Variants in CEPT1 observed in about 807,000 individuals in gnomAD.
The protein encoded by CEPT1 is choline/ethanolaminephosphotransferase 1.
In CEPT1, 7 loss-of-function variants were observed where a neutral mutation model predicts 42.6. That is an observed-to-expected ratio of 0.16 (90% confidence interval 0.09 to 0.31). CEPT1 has a LOEUF of 0.31. CEPT1 is among the 10% of genes least tolerant of loss of function. The probability of loss-of-function intolerance (pLI) is 1.00; values close to 1 mark genes in which losing one functional copy is unlikely to be tolerated. For missense variants in CEPT1, 306 were observed against 502.1 expected (o/e 0.61, Z 3.73); for synonymous variants, 171 against 171.9 (o/e 0.99, Z 0.04).
At position 111,184,297 on chromosome 1, in the gene CEPT1, C is replaced by T; in HGVS notation, c.1238C>T (p.Ser413Phe). ...VFRIKVSTAH[S>F]NHH is the part of the protein sequence containing the mutation. ...AGAATCAAGGTCTCTACAGCTCATT[C>T]TAATCATCATTAATGATGTAATTGG... Residue 413 changes from serine (S) to phenylalanine (F), a missense_variant, in exon 9 of 9, where the codon TCT becomes TTT. Transcript: ENST00000357172. The T allele has an allele frequency of 1.2e-6, 2 of 1,611,264 alleles. No individual in the cohort carries two copies. Among genetic ancestry groups the T allele is most frequent in the Non-Finnish European group, 1.7e-6 (2 of 1,178,156 alleles).
Position 111,183,681 on chromosome 1 carries a change from A to G in CEPT1, c.1131+94A>G, listed in dbSNP as rs2275121. 1.7e-3 allele frequency: 2,066 copies of G among 1,238,716 alleles called. 23 individuals carry two copies. The highest frequency in any genetic ancestry group is 0.016 in the South Asian group (1,192 of 72,436). 76.7% of individuals were successfully genotyped at this position (1,238,716 alleles called of 1,614,324 possible). A position where few individuals can be genotyped will look rare whatever the true frequency, so the allele number is the denominator to read the frequency against. On this transcript the variant is annotated intron_variant, in intron 8 of 8. Coordinates refer to ENST00000357172, the MANE Select transcript of CEPT1 (RefSeq NM_006090.5). ...GACCCAGTCATGAAAGATCGTTCAT[A>G]TAATTGTAATGATTTGGAATGTCAG...
At chr1:111,180,790 G>A (rs762208674) in intron 5 of CEPT1, 1 of 152,134 alleles carries the variant, frequency 6.6e-6, no homozygotes, top group African/African-American at 2.4e-5. Flanking sequence ...CTATATAGTA[G>A]GAAGTGCCAC....
At chr1:111,177,334 G>T (rs1656732102) in intron 5 of CEPT1, among the ~76,000 whole-genome samples, 1 of 151,808 alleles carries the variant, frequency 6.6e-6, no homozygotes, top group Non-Finnish European at 1.5e-5. Context: ...ATAAACTTTT[G>T]TGCACCTACG....
intron 3 of CEPT1, chr1:111,160,728 C>T: frequency 6.1e-6 from 1 of 163,402 alleles, no homozygotes; most frequent in Non-Finnish European, 1.3e-5. Flanking sequence ...TGTATGTCAC[C>T]CATAACAATA....
intron 4 of CEPT1, chr1:111,167,507 AT>A (rs973243719): frequency 6.8e-6 from 6 of 876,310 alleles, no homozygotes; most frequent in African/African-American, 1.8e-5. Context: ...AGTAAATAGA[AT>A]TTTTTTTATA....
intron 5 of CEPT1, chr1:111,178,169 T>A (rs920668145): frequency 1.3e-5 from 2 of 152,308 alleles, no homozygotes; most frequent in Non-Finnish European, 1.5e-5. Flanking sequence ...TACTTAGGGT[T>A]CAGGTATGAA....
At chr1:111,180,704 T>C in intron 5 of CEPT1, 1 of 152,212 alleles carries the variant, frequency 6.6e-6, no homozygotes, top group South Asian at 2.1e-4. Context: ...CTCAACAAAG[T>C]GAGTTCTTGA....
At chr1:111,167,247 C>T in intron 4 of CEPT1, 7 of 985,188 alleles carry the variant, frequency 7.1e-6, no homozygotes, top group Non-Finnish European at 8.4e-6. Flanking sequence ...TCAATAAAGA[C>T]AGCACCTTTG....
chr1:111,140,108 C>A (rs1279734914), upstream of CEPT1: 5 of 151,152 alleles, frequency 3.3e-5, no homozygotes, highest in African/African-American at 1.2e-4. Flanking sequence ...GGCTGGGCCA[C>A]GGGGCGCGCT....
At chr1:111,151,746 T>A (rs1655289344) in intron 2 of CEPT1, among the ~76,000 whole-genome samples, 1 of 152,224 alleles carries the variant, frequency 6.6e-6, no homozygotes, top group Non-Finnish European at 1.5e-5. Flanking sequence ...GAAAAAGATC[T>A]AGCTATGTTA....
At chr1:111,168,042 T>TA (rs201933214) in intron 4 of CEPT1, 3 of 156,884 alleles carry the variant, frequency 1.9e-5, no homozygotes, top group South Asian at 2.1e-4. Flanking sequence ...TGGCTAATTT[T>TA]AAATTTTTTT....
rs78223227 is a variant in CEPT1, at chr1:111,156,985, G to T, written c.340-2395G>T. On this transcript the variant is annotated intron_variant, in intron 2 of 8. Transcript: ENST00000357172. The stretch of plus-strand genomic sequence containing the variant: ...CCATACACTTATCAGGACATAATGA[G>T]TTCTGAATGATGCATGAGTTCCTTC... 5.0e-3 allele frequency among the ~76,000 whole-genome samples: 755 copies of T among 152,256 alleles called. 17 individuals carry two copies. In the East Asian group the frequency reaches 0.078, roughly 16 times the overall value.
chr1:111,156,349 C>T (rs557638741), intron 2 of CEPT1, among the ~76,000 whole-genome samples: 27 of 152,242 alleles, frequency 1.8e-4, no homozygotes, highest in Admixed American at 2.6e-4. Context: ...GAGAATGTTT[C>T]GTGTGCTGAT....
intron 2 of CEPT1, among the ~76,000 whole-genome samples, chr1:111,154,187 GTATTTTATTTTATTT>G (rs201981261): frequency 0.2 from 25,798 of 130,860 alleles, 2,742 homozygotes; most frequent in Non-Finnish European, 0.24. Context: ...TTATTCCCAA[GTATTTTATTTTATTT>G]TATTTTATTT....
chr1:111,177,042 A>G (rs553049926), intron 5 of CEPT1, among the ~76,000 whole-genome samples: 1 of 152,352 alleles, frequency 6.6e-6, no homozygotes, highest in South Asian at 2.1e-4. Context: ...ATTAACCAAA[A>G]AAGTATCTGC....
chr1:111,154,511 G>A (rs1390625561), intron 2 of CEPT1, among the ~76,000 whole-genome samples: 2 of 151,988 alleles, frequency 1.3e-5, no homozygotes, highest in Non-Finnish European at 2.9e-5. Context: ...TACTCTAGCT[G>A]GGACTTCCAG....
intron 3 of CEPT1, 23 bp downstream of exon 3, chr1:111,159,550 T>C (rs376754033): frequency 3.8e-6 from 6 of 1,590,554 alleles, no homozygotes; most frequent in Non-Finnish European, 5.1e-6. Flanking sequence ...TTTTTAATGT[T>C]ATTGATTATT....
At chr1:111,173,098 C>T (rs1005568205) in intron 4 of CEPT1, 1 of 152,146 alleles carries the variant, frequency 6.6e-6, no homozygotes, top group Admixed American at 6.5e-5. Flanking sequence ...ACTTCTGGCC[C>T]TTCCCCTTCC....
Position 111,184,318 on chromosome 1 carries a change from A to G in CEPT1, c.*8A>G, listed in dbSNP as rs1657149341. On this transcript the variant is annotated 3_prime_UTR_variant, in exon 9 of 9. Transcript: ENST00000357172. ...CATTCTAATCATCATTAATGATGTA[A>G]TTGGTATATAGGAACATCATGTTTT... The G allele has an allele frequency of 6.2e-7, 1 of 1,605,550 alleles. No individual in the cohort carries two copies. Among genetic ancestry groups the G allele is most frequent in the African/African-American group, 1.3e-5 (1 of 74,676 alleles).
Sources: allele counts gnomAD v4.1 joint callset (sites outside exome capture counted in the v4.1 genomes callset), GRCh38; gene constraint gnomAD v4.1.1; transcripts MANE v1.5; gene names NCBI Gene and HGNC (gene_info 2026-07-23, HGNC 2026-07-21).